Variants in ANKRD36 observed in about 807,000 individuals in gnomAD.
ANKRD36 encodes the protein ankyrin repeat domain-containing protein 36A.
In ANKRD36, 179 loss-of-function variants were observed where a neutral mutation model predicts 278.1. The observed-to-expected ratio is 0.64, with a 90% CI of 0.57 to 0.73. The LOEUF is 0.73. Ranked by LOEUF, ANKRD36 falls within the 30% of genes least tolerant of loss-of-function variation. The pLI, the probability that ANKRD36 is intolerant of heterozygous loss-of-function variation, is 0.00. For synonymous variants in ANKRD36, 320 were observed against 641.1 expected, an observed-to-expected ratio of 0.50 and a Z score of 7.57; for missense variants, 1,159 against 1,956.7, an observed-to-expected ratio of 0.59 and a Z score of 7.69.
intron 26 of ANKRD36, among the ~76,000 whole-genome samples, chr2:97,182,181 A>T (rs554654231): frequency 2.6e-5 from 4 of 151,382 alleles, no homozygotes; most frequent in Non-Finnish European, 5.9e-5. Flanking sequence ...TAACCCATAA[A>T]CACTGTAGAA....
At chr2:97,154,549 A>T (rs1425430244) in intron 14 of ANKRD36, 126 bp from the exon 15 acceptor site, 3 of 690,932 alleles carry the variant, frequency 4.3e-6, no homozygotes, top group Non-Finnish European at 7.1e-6. Flanking sequence ...TATGCAGATA[A>T]CTGAGTTTCC....
At chr2:97,146,969 G>A (rs1380876985) in intron 11 of ANKRD36, among the ~76,000 whole-genome samples, 5 of 151,752 alleles carry the variant, frequency 3.3e-5, no homozygotes, top group African/African-American at 2.4e-5. Context: ...CAAATATTTT[G>A]GAAATGGCAG....
At chr2:97,192,545 C>G (rs2058747264) in intron 36 of ANKRD36, among the ~76,000 whole-genome samples, 1 of 151,692 alleles carries the variant, frequency 6.6e-6, no homozygotes, top group Non-Finnish European at 1.5e-5. Context: ...ATGAGTTTCT[C>G]CTCTGATTTT....
At chr2:97,129,293 C>A (rs981016479) in intron 6 of ANKRD36, among the ~76,000 whole-genome samples, 19 of 151,974 alleles carry the variant, frequency 1.3e-4, no homozygotes, top group African/African-American at 4.6e-4. Context: ...CTGTTCATAT[C>A]CTTCGCCCAC....
At chr2:97,201,407 C>T (rs566356077) in intron 46 of ANKRD36, among the ~76,000 whole-genome samples, 2 of 152,022 alleles carry the variant, frequency 1.3e-5, no homozygotes, top group South Asian at 4.2e-4. Context: ...TGATCATTTT[C>T]AATGAATATT....
chr2:97,173,742 T>G (rs2053385185), intron 22 of ANKRD36, among the ~76,000 whole-genome samples: 1 of 151,714 alleles, frequency 6.6e-6, no homozygotes, highest in Admixed American at 6.6e-5. Flanking sequence ...AGGAGACTTG[T>G]GGGAAGTCGC....
intron 17 of ANKRD36, among the ~76,000 whole-genome samples, 192 bp from the exon 18 acceptor site, chr2:97,161,907 T>C (rs980183294): frequency 1.3e-5 from 2 of 152,154 alleles, no homozygotes; most frequent in Non-Finnish European, 2.9e-5. Context: ...ATGAATTGTG[T>C]CTTTCTGCTT....
At chr2:97,120,375 G>A (rs980081521) in intron 3 of ANKRD36, among the ~76,000 whole-genome samples, 3 of 124,214 alleles carry the variant, frequency 2.4e-5, no homozygotes, top group Non-Finnish European at 3.7e-5. Context: ...AAACCATGAA[G>A]TTAGTAAGAA....
intron 34 of ANKRD36, among the ~76,000 whole-genome samples, chr2:97,190,359 G>A (rs1307776925): frequency 1.1e-5 from 1 of 89,694 alleles, no homozygotes; most frequent in African/African-American, 2.6e-5. Flanking sequence ...TAAACTAGTG[G>A]ATACAAGAAA....
chr2:97,202,216 C>G lies in ANKRD36; in HGVS notation c.2872C>G (p.Pro958Ala), dbSNP rs2061570724. 6.2e-7 allele frequency: 1 copy of G among 1,609,568 alleles called. No homozygotes were observed. Among genetic ancestry groups the G allele is most frequent in the East Asian group, 2.2e-5 (1 of 44,682 alleles). The change falls in exon 47 of 76, where the codon CCA (proline) becomes GCA (alanine). Residue 958 changes from proline to alanine, a missense_variant. Physicochemically the swap from Pro to Ala is conservative, Grantham distance 27. Coordinates refer to ENST00000420699, the MANE Select transcript of ANKRD36 (RefSeq NM_001354587.1). The part of the protein sequence containing the change: ...EISRKVSSQK[P>A]PALKGTSDEE... The stretch of plus-strand genomic sequence containing the variant: ...TTGCTTTTCAGTGTCTTCTCAGAAA[C>G]CACCAGCCTTGAAGGTAATGAAACT...
intron 44 of ANKRD36, among the ~76,000 whole-genome samples, chr2:97,200,079 A>C (rs1245893238): frequency 6.6e-6 from 1 of 151,896 alleles, no homozygotes; most frequent in Admixed American, 6.6e-5. Context: ...TGAGATTGAC[A>C]CGGTTTTATT....
chr2:97,252,670 G>T (rs1405041948), intron 75 of ANKRD36, among the ~76,000 whole-genome samples: 5 of 142,438 alleles, frequency 3.5e-5, no homozygotes, highest in African/African-American at 1.3e-4. Flanking sequence ...GTTTCTCCCT[G>T]TTAGCCAGGA....
chr2:97,137,984 C>T (rs1018174347), intron 6 of ANKRD36, among the ~76,000 whole-genome samples: 3 of 151,880 alleles, frequency 2.0e-5, no homozygotes, highest in African/African-American at 7.3e-5. Context: ...ATTTAAGTTC[C>T]TTGTAGATTC....
chr2:97,238,010 C>T (rs1324506859), intron 68 of ANKRD36, among the ~76,000 whole-genome samples: 1 of 139,836 alleles, frequency 7.2e-6, no homozygotes, highest in East Asian at 2.4e-4. Context: ...GGGCAATTCA[C>T]GTTATCTATT....
At chr2:97,212,834 A>T (rs1322205415) in intron 58 of ANKRD36, 20 of 208,292 alleles carry the variant, frequency 9.6e-5, no homozygotes, top group African/African-American at 4.5e-4. Context: ...TTATTACACC[A>T]CAGGGGTGTG....
chr2:97,114,990 C>T (rs1049060921), intron 1 of ANKRD36, among the ~76,000 whole-genome samples: 1 of 151,990 alleles, frequency 6.6e-6, no homozygotes, highest in Non-Finnish European at 1.5e-5. Context: ...AAGTTATTTA[C>T]TAACAGCTGA....
At chr2:97,205,244 A>T (rs957136232) in intron 50 of ANKRD36, among the ~76,000 whole-genome samples, 12 of 151,638 alleles carry the variant, frequency 7.9e-5, no homozygotes, top group Admixed American at 6.6e-4. Context: ...ATAATTGATG[A>T]TATTTTTATT....
At chr2:97,137,693 C>T (rs2041896145) in intron 6 of ANKRD36, among the ~76,000 whole-genome samples, 1 of 152,176 alleles carries the variant, frequency 6.6e-6, no homozygotes, top group Non-Finnish European at 1.5e-5. Context: ...CTGTCTTCCA[C>T]AATGGTTGAA....
chr2:97,144,890 G>A (rs1234364695), intron 10 of ANKRD36, among the ~76,000 whole-genome samples, 178 bp downstream of exon 10: 3 of 151,968 alleles, frequency 2.0e-5, no homozygotes, highest in Non-Finnish European at 4.4e-5. Context: ...GCCATGATCT[G>A]AGTAGTAAGA....
Sources: allele counts gnomAD v4.1 joint callset (sites outside exome capture counted in the v4.1 genomes callset), GRCh38; gene constraint gnomAD v4.1.1; transcripts MANE v1.5; gene names NCBI Gene and HGNC (gene_info 2026-07-23, HGNC 2026-07-21).